The following FRY variants were observed in gnomAD, a reference collection of about 807,000 sequenced individuals.
The protein encoded by FRY is FRY microtubule binding protein, also known as protein furry homolog.
Under a neutral mutation model 348.4 loss-of-function variants are expected in FRY, and 128 were observed. The ratio of observed to expected loss-of-function variants is 0.37; its 90% CI spans 0.32 to 0.43. The LOEUF (loss-of-function observed/expected upper bound fraction) is 0.43, where lower values mean the gene tolerates loss of function less well. Ranked by LOEUF, FRY falls within the 20% of genes least tolerant of loss-of-function variation. FRY has a pLI of 1.00. For missense variants in FRY, 2,736 were observed against 3,695.2 expected, an observed-to-expected ratio of 0.74 and a Z score of 6.73; for synonymous variants, 1,370 against 1,374.7, an observed-to-expected ratio of 1.00 and a Z score of 0.08.
chr13:32,158,764 A>C (rs1881260465), intron 16 of FRY, among the ~76,000 whole-genome samples: 1 of 151,824 alleles, frequency 6.6e-6, no homozygotes, highest in Non-Finnish European at 1.5e-5. Flanking sequence ...CTAATAATAC[A>C]AAAATTAGCC....
intron 1 of FRY, among the ~76,000 whole-genome samples, chr13:32,057,893 G>A (rs1404565668): frequency 6.6e-6 from 1 of 152,122 alleles, no homozygotes; most frequent in Non-Finnish European, 1.5e-5. Flanking sequence ...CCGGGAGGCG[G>A]AGCTTGCAGT....
intron 11 of FRY, among the ~76,000 whole-genome samples, chr13:32,145,449 T>C (rs529423910): frequency 6.7e-6 from 1 of 150,110 alleles, no homozygotes; most frequent in South Asian, 2.1e-4. Flanking sequence ...AAGGATGGAG[T>C]GAGAGTCAGA....
At position 32,289,653 on chromosome 13, in the gene FRY, A is replaced by G. The variant is rs766832133; in HGVS notation, c.8490A>G (p.Arg2830=). ...TTTAGCAATTGGAACTGTGTCAGAG[A>G]TTATATAAGCTACACTTCCAGCTGC... ...SEEKQLELCQ[R]LYKLHFQLLL... The change falls in exon 59 of 61, where the codon AGA becomes AGG. Residue 2830 remains arginine, a synonymous_variant. Transcript: ENST00000542859. 2 of 1,604,380 alleles carry G rather than the reference A, an allele frequency of 1.2e-6. No homozygotes were observed. Among genetic ancestry groups the G allele is most frequent in the Non-Finnish European group, 1.7e-6 (2 of 1,171,176 alleles).
At chr13:32,216,684 C>A (rs1325530187) in intron 35 of FRY, among the ~76,000 whole-genome samples, 2 of 152,214 alleles carry the variant, frequency 1.3e-5, no homozygotes, top group Non-Finnish European at 2.9e-5. Context: ...TTGCATTTAT[C>A]AGCATAAATA....
At chr13:32,267,383 A>G (rs1451918495) in intron 55 of FRY, 24 bp downstream of exon 55, 3 of 1,602,374 alleles carry the variant, frequency 1.9e-6, no homozygotes, top group Non-Finnish European at 2.6e-6. Context: ...CTGAAAGTGC[A>G]GAGGACTTAG....
intron 1 of FRY, among the ~76,000 whole-genome samples, chr13:32,054,259 G>C (rs994762845): frequency 2.6e-5 from 4 of 151,094 alleles, no homozygotes; most frequent in Admixed American, 2.6e-4. Context: ...CACAGGGACT[G>C]TGAAGGAATT....
At chr13:32,053,007 G>A (rs2138411332) in intron 1 of FRY, among the ~76,000 whole-genome samples, 1 of 152,140 alleles carries the variant, frequency 6.6e-6, no homozygotes. Context: ...TATCTACTCG[G>A]GAGGCTGAGG....
chr13:32,228,531 C>G lies in FRY; in HGVS notation c.5282C>G (p.Ser1761Cys). The change falls in exon 40 of 61, where the codon TCT becomes TGT. Residue 1761 changes from serine (S) to cysteine (C), a missense_variant. By Grantham distance (112) the Ser-to-Cys change is moderately radical. Coordinates refer to ENST00000542859, the MANE Select transcript of FRY (RefSeq NM_023037.3). The stretch of plus-strand genomic sequence containing the variant: ...GGGCTTAGTTCAAGCTCCACCTCCT[C>G]TAGCATCAGTCTGGGAGGCAGCAGT... ...DSGLSSSSTS[S>C]SISLGGSSGN... The G allele has an allele frequency of 6.2e-7, 1 of 1,613,882 alleles. No homozygotes were observed. Among genetic ancestry groups the G allele is most frequent in the Non-Finnish European group, 8.5e-7 (1 of 1,179,870 alleles).
chr13:32,139,084 A>C (rs1255341810), intron 11 of FRY, among the ~76,000 whole-genome samples: 1 of 152,218 alleles, frequency 6.6e-6, no homozygotes, highest in African/African-American at 2.4e-5. Flanking sequence ...AAATGAAATA[A>C]AATTGTATTG....
At chr13:32,175,488 G>T in intron 19 of FRY, 58 bp from the exon 20 acceptor site, 9 of 1,011,316 alleles carry the variant, frequency 8.9e-6, no homozygotes, top group Non-Finnish European at 1.4e-5. Context: ...CGAAGGCGGT[G>T]GGGTGGGTGG....
At chr13:32,165,901 T>C (rs1881707055) in intron 17 of FRY, among the ~76,000 whole-genome samples, 1 of 152,248 alleles carries the variant, frequency 6.6e-6, no homozygotes, top group South Asian at 2.1e-4. Flanking sequence ...ATGTCCTGAC[T>C]TGTTCAGTAG....
intron 2 of FRY, among the ~76,000 whole-genome samples, chr13:32,094,832 T>C (rs1876580307): frequency 6.6e-6 from 1 of 152,224 alleles, no homozygotes; most frequent in South Asian, 2.1e-4. Flanking sequence ...GGAGTGCAGA[T>C]ATCTTTTCCA....
chr13:32,061,200 T>C (rs1252923804), intron 1 of FRY: 1 of 530,858 alleles, frequency 1.9e-6, no homozygotes, highest in Non-Finnish European at 3.9e-6. Context: ...GTGGAGTGGC[T>C]AACTGGTTGT....
chr13:32,250,169 C>T (rs553221663), intron 49 of FRY, among the ~76,000 whole-genome samples: 2 of 152,288 alleles, frequency 1.3e-5, no homozygotes, highest in South Asian at 2.1e-4. Flanking sequence ...TGGCAAGGGG[C>T]GGGGGTACTG....
chr13:32,180,132 C>T lies in FRY; in HGVS notation c.2996+333C>T, dbSNP rs1882610030. Among the ~76,000 whole-genome samples the T allele has an allele frequency of 2.0e-5, 3 of 152,370 alleles. No individual in the cohort carries two copies. In the South Asian group the frequency reaches 6.2e-4, roughly 32 times the overall value. On this transcript the variant is annotated intron_variant, in intron 23 of 60. Transcript: ENST00000542859. Reference sequence around the variant, plus strand: ...AGAGGTTATCACATCAAAATAATAACAGTCTGCTCATCAGCCATTTACCCA... The same window carrying T: ...AGAGGTTATCACATCAAAATAATAATAGTCTGCTCATCAGCCATTTACCCA...
chr13:32,284,482 C>G (rs553230443), intron 58 of FRY, among the ~76,000 whole-genome samples: 1 of 152,220 alleles, frequency 6.6e-6, no homozygotes, highest in South Asian at 2.1e-4. Context: ...CTCATATTGG[C>G]TAAAGAAATG....
In FRY at chr13:32,042,414, A is replaced by G. The variant is rs1044000896; in HGVS notation, c.70+10549A>G. On this transcript the variant is annotated intron_variant, in intron 1 of 60. Coordinates refer to ENST00000542859, the MANE Select transcript of FRY (RefSeq NM_023037.3). ...TTTGAAATGGGTGCCATTTTAGTAT[A>G]CTTTTGCTATAAATGATAGAATAAC... 3.4e-4 allele frequency among the ~76,000 whole-genome samples: 52 copies of G among 152,204 alleles called. 1 individual carries two copies. Among genetic ancestry groups the G allele is most frequent in the Non-Finnish European group, 3.4e-4 (23 of 68,032 alleles).
rs1250838864 is a variant in FRY at position 32,184,811 on chromosome 13, A to C, written c.3146+120A>C. ...AATATAATACCCTTAACTTAGAAAA[A>C]TCCAAAAACTCGCTTTTTCTTTTTT... On this transcript the variant is annotated intron_variant, in intron 25 of 60. Transcript: ENST00000542859. The C allele has an allele frequency of 1.6e-5, 16 of 992,508 alleles. No homozygotes were observed. In the Admixed American group the frequency reaches 2.9e-4, roughly 18 times the overall value. 61.5% of individuals were successfully genotyped at this position (992,508 alleles called of 1,614,324 possible).
intron 3 of FRY, among the ~76,000 whole-genome samples, chr13:32,106,200 A>C (rs544160752): frequency 8.1e-5 from 12 of 148,768 alleles, no homozygotes; most frequent in Non-Finnish European, 1.8e-4. Context: ...TATCTATAGG[A>C]TATATAACAT....
Sources: gnomAD v4.1 joint callset for allele counts (sites outside exome capture counted in the v4.1 genomes callset) on GRCh38, gnomAD v4.1.1 for gene constraint, MANE v1.5 for transcripts, NCBI Gene and HGNC (gene_info 2026-07-23, HGNC 2026-07-21) for gene names.